PRIM2: variants seen among roughly 807,000 people sequenced by gnomAD.
PRIM2 encodes the protein DNA primase subunit 2, also known as DNA primase large subunit.
PRIM2 carries 39 observed loss-of-function variants against 67.3 expected under a neutral mutation model. The observed-to-expected ratio is 0.58, with a 90% CI of 0.45 to 0.76. The LOEUF is 0.76. Ranked by LOEUF, PRIM2 falls within the 30% of genes least tolerant of loss-of-function variation. The pLI is 0.00. For synonymous variants in PRIM2, 143 were observed against 198.7 expected (o/e 0.72, Z 2.36); for missense variants, 398 against 598.7 (o/e 0.66, Z 3.50).
chr6:57,328,619 A>T (rs1314535453), intron 5 of PRIM2, among the ~76,000 whole-genome samples: 1 of 152,212 alleles, frequency 6.6e-6, no homozygotes, highest in Non-Finnish European at 1.5e-5. Context: ...ATAACGCTAC[A>T]GTGAATATTT....
the PRIM2 span, among the ~76,000 whole-genome samples, chr6:57,276,801 A>C: frequency 1.3e-3 from 201 of 151,744 alleles, no homozygotes; most frequent in Non-Finnish European, 2.4e-3. Flanking sequence ...AGGTGGGAGA[A>C]TGGCTTGAGC....
At chr6:57,482,489 GA>G (rs1198630591) in intron 7 of PRIM2, among the ~76,000 whole-genome samples, 1 of 152,174 alleles carries the variant, frequency 6.6e-6, no homozygotes, top group Non-Finnish European at 1.5e-5. Context: ...AAGCACAGAA[GA>G]AAGGTGCTGA....
the PRIM2 span, among the ~76,000 whole-genome samples, chr6:57,256,813 C>T: frequency 6.6e-6 from 1 of 152,032 alleles, no homozygotes; most frequent in Non-Finnish European, 1.5e-5. Flanking sequence ...ATTTTCAAGG[C>T]TTATGCTTAT....
intron 9 of PRIM2, among the ~76,000 whole-genome samples, chr6:57,533,717 G>A (rs1340929851): frequency 6.6e-6 from 1 of 152,194 alleles, no homozygotes; most frequent in African/African-American, 2.4e-5. Flanking sequence ...ACAAGCAAAT[G>A]TGAATTTCAT....
intron 7 of PRIM2, among the ~76,000 whole-genome samples, chr6:57,445,891 C>T (rs1165468999): frequency 2.0e-5 from 3 of 152,168 alleles, no homozygotes; most frequent in Admixed American, 2.0e-4. Flanking sequence ...TCAGTGTAGT[C>T]TTTGTCCACT....
chr6:57,448,827 T>A (rs1263712479), intron 7 of PRIM2, among the ~76,000 whole-genome samples: 2 of 152,166 alleles, frequency 1.3e-5, no homozygotes, highest in Non-Finnish European at 2.9e-5. Context: ...TAGGTCCTAT[T>A]TATAATTTGG....
At chr6:57,305,234 A>G in the PRIM2 span, among the ~76,000 whole-genome samples, 1 of 152,234 alleles carries the variant, frequency 6.6e-6, no homozygotes, top group African/African-American at 2.4e-5. Context: ...TATTGTGATC[A>G]GGAATTTCAA....
intron 5 of PRIM2, among the ~76,000 whole-genome samples, chr6:57,366,861 T>C (rs1259756722): frequency 6.6e-6 from 1 of 152,226 alleles, no homozygotes; most frequent in Non-Finnish European, 1.5e-5. Flanking sequence ...AATAAAGTTA[T>C]GTTAATTTAT....
At chr6:57,321,600 CCAGGAT>C (rs980970265) in intron 3 of PRIM2, among the ~76,000 whole-genome samples, 1 of 104,260 alleles carries the variant, frequency 9.6e-6, no homozygotes, top group African/African-American at 3.6e-5. Flanking sequence ...AGGAGATGAA[CCAGGAT>C]AGTAGTGTCA....
chr6:57,374,356 C>T (rs1422450522), intron 5 of PRIM2, among the ~76,000 whole-genome samples: 16 of 149,912 alleles, frequency 1.1e-4, no homozygotes, highest in East Asian at 3.9e-4. Context: ...TGCAGTGGCG[C>T]GATCTCGACT....
chr6:57,439,615 A>G (rs946721549), intron 7 of PRIM2, among the ~76,000 whole-genome samples: 1 of 151,756 alleles, frequency 6.6e-6, no homozygotes, highest in Non-Finnish European at 1.5e-5. Context: ...GGGTTTTGCC[A>G]TGTTGATCAG....
At chr6:57,462,928 G>C (rs4990712) in intron 7 of PRIM2, among the ~76,000 whole-genome samples, 1 of 152,152 alleles carries the variant, frequency 6.6e-6, no homozygotes, top group Non-Finnish European at 1.5e-5. Context: ...AAATGTAGTC[G>C]GACATCCCCT....
At chr6:57,643,540 A>G (rs1777283369) in intron 13 of PRIM2, among the ~76,000 whole-genome samples, 1 of 152,244 alleles carries the variant, frequency 6.6e-6, no homozygotes, top group African/African-American at 2.4e-5. Flanking sequence ...TTCTCTGTTT[A>G]CAAACTATTT....
chr6:57,420,061 G>T (rs1403622821), intron 7 of PRIM2, among the ~76,000 whole-genome samples: 1 of 152,186 alleles, frequency 6.6e-6, no homozygotes, highest in Non-Finnish European at 1.5e-5. Context: ...TGTCTTTTTG[G>T]TGGTTGCTAG....
chr6:57,350,370 T>A (rs1768821254), intron 5 of PRIM2, among the ~76,000 whole-genome samples: 1 of 152,214 alleles, frequency 6.6e-6, no homozygotes, highest in Non-Finnish European at 1.5e-5. Context: ...ATTTTCAAAA[T>A]TAATTTTATT....
At chr6:57,338,855 G>A (rs1768367398) in intron 5 of PRIM2, among the ~76,000 whole-genome samples, 1 of 149,392 alleles carries the variant, frequency 6.7e-6, no homozygotes, top group Admixed American at 6.7e-5. Context: ...TTCTGGCCAG[G>A]GCAATTAGGC....
chr6:57,293,171 C>A, the PRIM2 span, among the ~76,000 whole-genome samples: 1 of 152,142 alleles, frequency 6.6e-6, no homozygotes, highest in Non-Finnish European at 1.5e-5. Flanking sequence ...AAAACGTGGG[C>A]AAAGGATATG....
the PRIM2 span, among the ~76,000 whole-genome samples, chr6:57,273,066 C>T: frequency 6.6e-6 from 1 of 152,158 alleles, no homozygotes; most frequent in East Asian, 1.9e-4. Flanking sequence ...AACATTGTTT[C>T]CTTCATTTCA....
intron 10 of PRIM2, among the ~76,000 whole-genome samples, chr6:57,562,468 C>T (rs1267737544): frequency 3.3e-5 from 5 of 152,156 alleles, no homozygotes; most frequent in African/African-American, 9.7e-5. Flanking sequence ...CAGGTGATCT[C>T]ATCCTTTTTT....
Sources: allele counts gnomAD v4.1 joint callset (sites outside exome capture counted in the v4.1 genomes callset), GRCh38; gene constraint gnomAD v4.1.1; transcripts MANE v1.5; gene names NCBI Gene and HGNC (gene_info 2026-07-23, HGNC 2026-07-21).